The following KIF5A variants were observed in gnomAD, a reference collection of about 807,000 sequenced individuals.
KIF5A encodes kinesin family member 5A.
Under a neutral mutation model 141.3 loss-of-function variants are expected in KIF5A, and 35 were observed. The observed-to-expected ratio is 0.25, with a 90% CI of 0.19 to 0.33. The LOEUF is 0.33. Ranked by LOEUF, KIF5A falls within the 10% of genes least tolerant of loss-of-function variation. The pLI, the probability that KIF5A is intolerant of heterozygous loss-of-function variation, is 1.00. For synonymous variants in KIF5A, 448 were observed against 500.2 expected, an observed-to-expected ratio of 0.90 and a Z score of 1.39; for missense variants, 861 against 1,314.3, an observed-to-expected ratio of 0.66 and a Z score of 5.33.
At chr12:57,583,018 G>A (rs2140172929) in intron 27 of KIF5A, 83 bp from the exon 28 acceptor site, 1 of 1,135,058 alleles carries the variant, frequency 8.8e-7, no homozygotes, top group East Asian at 2.5e-5. Flanking sequence ...GATCTCACAG[G>A]GACACTCTCA....
At chr12:57,566,375 A>T (rs182477620) in intron 6 of KIF5A, among the ~76,000 whole-genome samples, 30 of 148,064 alleles carry the variant, frequency 2.0e-4, no homozygotes, top group African/African-American at 7.2e-4. Flanking sequence ...GTGTGCTGGC[A>T]TTACAGGCAT....
intron 1 of KIF5A, among the ~76,000 whole-genome samples, chr12:57,558,226 G>A (rs564217549): frequency 6.8e-6 from 1 of 147,014 alleles, no homozygotes; most frequent in Non-Finnish European, 1.5e-5. Flanking sequence ...CCAACATGGT[G>A]AAACCCCATC....
rs2140164737 is a variant in KIF5A, at chr12:57,571,353, A to G, written c.1326A>G (p.Ile442Met). The change falls in exon 13 of 29, where the codon ATA becomes ATG. Residue 442 changes from isoleucine to methionine, a missense_variant. By Grantham distance (10) the Ile-to-Met change is conservative (BLOSUM62 1). Around this residue, in one of 5 missense-constraint regions of KIF5A, gnomAD observed 167 missense variants for 192.0 expected, o/e 0.87. Coordinates refer to ENST00000455537, the MANE Select transcript of KIF5A (RefSeq NM_004984.4). ...DDEINQQSQL[I>M]EKLKQQMLDQ... is the part of the protein sequence containing the mutation. ...AAATCAACCAACAAAGCCAACTCAT[A>G]GAGAAGCTCAAGCAGCAAATGCTGG... is the stretch of plus-strand genomic sequence containing the variant. 1.2e-6 allele frequency: 2 copies of G among 1,613,820 alleles called. No individual in the cohort carries two copies. The highest frequency in any genetic ancestry group is 1.7e-6 in the Non-Finnish European group (2 of 1,179,758).
At position 57,583,207 on chromosome 12, in the gene KIF5A, C is replaced by T; in HGVS notation, c.*28C>T. 6.3e-7 allele frequency: 1 copy of T among 1,590,450 alleles called. No homozygotes were observed. The highest frequency in any genetic ancestry group is 8.6e-7 in the Non-Finnish European group (1 of 1,160,150). ...TCCCACACCCACGGCTGCATACCTGCACTTTCAGGTAGCGTCAGGCTGCTT... is the reference window on the plus strand; with the variant it reads ...TCCCACACCCACGGCTGCATACCTGTACTTTCAGGTAGCGTCAGGCTGCTT... On this transcript the variant is annotated 3_prime_UTR_variant, in exon 28 of 29. Coordinates refer to ENST00000455537, the MANE Select transcript of KIF5A (RefSeq NM_004984.4).
In KIF5A at chr12:57,572,235, C is replaced by G; in HGVS notation, c.1537C>G (p.Gln513Glu). 6.2e-7 allele frequency: 1 copy of G among 1,606,738 alleles called. No homozygotes were observed. The highest frequency in any genetic ancestry group is 1.7e-5 in the Admixed American group (1 of 58,710). ...GGTGGAGGAGAAGAGCCAGCAGAACCAGCTTCTGGTGGATGAGCTGTCTCA... is the reference window on the plus strand; with the variant it reads ...GGTGGAGGAGAAGAGCCAGCAGAACGAGCTTCTGGTGGATGAGCTGTCTCA... ...QEVEEKSQQN[Q>E]LLVDELSQKV... is the part of the protein sequence containing the mutation. The change falls in exon 14 of 29, where the codon CAG becomes GAG. Residue 513 changes from glutamine to glutamate, a missense_variant. Physicochemically the swap from Gln to Glu is conservative, Grantham distance 29. This residue lies in a region of KIF5A where 482 missense variants were observed against 661.3 expected (regional missense o/e 0.73). Coordinates refer to ENST00000455537, the MANE Select transcript of KIF5A (RefSeq NM_004984.4). The surrounding 1 kb of genome is among the most constrained non-coding windows in gnomAD (Gnocchi z 4.2).
intron 1 of KIF5A, among the ~76,000 whole-genome samples, chr12:57,556,380 C>G (rs1049684170): frequency 1.3e-5 from 2 of 152,058 alleles, no homozygotes; most frequent in Admixed American, 1.3e-4. Context: ...CCTCGTGATC[C>G]ACCCGCCTCG....
intron 1 of KIF5A, 69 bp from the exon 2 acceptor site, chr12:57,563,370 G>T: frequency 9.0e-7 from 1 of 1,115,966 alleles, no homozygotes; most frequent in Non-Finnish European, 1.4e-6. Context: ...CTGCTGGAAG[G>T]AGGTTGTGGT....
rs1412590622 is a variant in KIF5A at position 57,569,031 on chromosome 12, T to C, written c.783T>C (p.Ala261=). The change falls in exon 9 of 29, where the codon GCT becomes GCC. Residue 261 remains alanine (A), a synonymous_variant. Transcript: ENST00000455537. The part of the protein sequence containing the change: ...EAKNINKSLS[A]LGNVISALAE... ...AGAATATCAACAAGTCACTGTCAGC[T>C]CTGGGCAATGTGATCTCCGCACTGG... 1 of 1,613,942 alleles carries C rather than the reference T, an allele frequency of 6.2e-7. No individual in the cohort carries two copies. The highest frequency in any genetic ancestry group is 1.1e-5 in the South Asian group (1 of 91,080).
Position 57,575,634 on chromosome 12 carries a change from C to T in KIF5A, c.1906-6C>T. 6.2e-7 allele frequency: 1 copy of T among 1,613,124 alleles called. No homozygotes were observed. Among genetic ancestry groups the T allele is most frequent in the Non-Finnish European group, 8.5e-7 (1 of 1,179,138 alleles). On this transcript the variant is annotated splice_polypyrimidine_tract_variant and splice_region_variant and intron_variant, in intron 16 of 28. Transcript: ENST00000455537. The stretch of plus-strand genomic sequence containing the variant: ...CTTCTTCCTCTCACCAACTTTCTCC[C>T]ACCAGCATGAGGCCAAGATCCGCTC...
At chr12:57,566,075 T>C (rs1882055779) in intron 6 of KIF5A, among the ~76,000 whole-genome samples, 1 of 151,256 alleles carries the variant, frequency 6.6e-6, no homozygotes, top group Non-Finnish European at 1.5e-5. Flanking sequence ...CTCCAGCCTG[T>C]GTAGTAGAGA....
At chr12:57,557,219 A>G (rs1217093227) in intron 1 of KIF5A, among the ~76,000 whole-genome samples, 4 of 152,282 alleles carry the variant, frequency 2.6e-5, no homozygotes, top group Non-Finnish European at 4.4e-5. Flanking sequence ...TACGAAGTCA[A>G]TAAGTCTTAT....
Position 57,567,563 on chromosome 12 carries a change from C to T in KIF5A, c.659C>T (p.Thr220Met), listed in dbSNP as rs772697257. The change falls in exon 8 of 29, where the codon ACG (threonine) becomes ATG (methionine). Residue 220 changes from threonine to methionine, a missense_variant. Transcript: ENST00000455537. ...LINIKQENME[T>M]EQKLSGKLYL... Reference sequence around the variant, plus strand: ...AACATCAAGCAGGAGAACATGGAAACGGAGCAGAAGCTCAGTGGGAAGCTG... The same window carrying T: ...AACATCAAGCAGGAGAACATGGAAATGGAGCAGAAGCTCAGTGGGAAGCTG... 16 of 1,612,710 alleles carry T rather than the reference C, an allele frequency of 9.9e-6. No homozygotes were observed. The highest frequency in any genetic ancestry group is 1.3e-5 in the African/African-American group (1 of 74,606).
At chr12:57,581,997 CAAGTTGAGAGGCATAA>C (rs1332437236) in intron 26 of KIF5A, 45 bp downstream of exon 26, 1 of 1,499,226 alleles carries the variant, frequency 6.7e-7, no homozygotes, top group South Asian at 1.1e-5. Context: ...GTCCTCAGGG[CAAGTTGAGAGGCATAA>C]AAGTAAGTGA....
In KIF5A at chr12:57,569,419, C is replaced by A; in HGVS notation, c.968+15C>A. 6.2e-7 allele frequency: 1 copy of A among 1,613,758 alleles called. No individual in the cohort carries two copies. Among genetic ancestry groups the A allele is most frequent in the South Asian group, 1.1e-5 (1 of 91,042 alleles). ...TTTGGGCAGCGGTCAGTGGCAGGGT[C>A]CCCAGAGGGATCCCTGGTACCCAGC... On this transcript the variant is annotated intron_variant, in intron 10 of 28. Coordinates refer to ENST00000455537, the MANE Select transcript of KIF5A (RefSeq NM_004984.4).
chr12:57,570,697 T>C (rs879893830), intron 12 of KIF5A, among the ~76,000 whole-genome samples: 9 of 152,222 alleles, frequency 5.9e-5, no homozygotes, highest in Non-Finnish European at 1.3e-4. Context: ...TATATGTAAT[T>C]ATACATCTGA....
In KIF5A at chr12:57,572,388, A is replaced by G. The variant is rs546990225; in HGVS notation, c.1569+121A>G. On this transcript the variant is annotated intron_variant, in intron 14 of 28. Coordinates refer to ENST00000455537, the MANE Select transcript of KIF5A (RefSeq NM_004984.4). The surrounding 1 kb of genome is among the most constrained non-coding windows in gnomAD (Gnocchi z 4.2). ...GCACCTCTGCACTGCTGTTCAGTGC[A>G]TTGTGAGTCCCTCCCCAACCCTGTC... 7.9e-7 allele frequency: 1 copy of G among 1,260,552 alleles called. No individual in the cohort carries two copies. Among genetic ancestry groups the G allele is most frequent in the East Asian group, 2.5e-5 (1 of 39,522 alleles). The allele number at this position is 1,260,552 out of a possible 1,614,324, so 78.1% of individuals were successfully genotyped here. A position where few individuals can be genotyped will look rare whatever the true frequency, so the allele number is the denominator to read the frequency against.
rs1299727925 is a variant in KIF5A, at chr12:57,581,179, A to G, written c.2755+7A>G. On this transcript the variant is annotated splice_region_variant and intron_variant, in intron 24 of 28. Transcript: ENST00000455537. ...GGCCATTCTGCCCAGATTGGTGAGT[A>G]GGTGTTAGCAGGCAAGGTGGGAGTA... is the stretch of plus-strand genomic sequence containing the variant. 6.2e-7 allele frequency: 1 copy of G among 1,612,192 alleles called. No homozygotes were observed. Among genetic ancestry groups the G allele is most frequent in the Non-Finnish European group, 8.5e-7 (1 of 1,179,196 alleles).
intron 5 of KIF5A, 140 bp downstream of exon 5, chr12:57,564,648 G>C: frequency 1.2e-6 from 1 of 840,172 alleles, no homozygotes; most frequent in South Asian, 1.4e-5. Flanking sequence ...CCGTTTACCA[G>C]AATTTCCAAA....
At position 57,572,483 on chromosome 12, in the gene KIF5A, A is replaced by G. The variant is rs1882287199; in HGVS notation, c.1570-97A>G. 7 of 1,515,338 alleles carry G rather than the reference A, an allele frequency of 4.6e-6. No homozygotes were observed. The highest frequency in any genetic ancestry group is 6.4e-6 in the Non-Finnish European group (7 of 1,101,586). The allele number at this position is 1,515,338 out of a possible 1,614,324, so 93.9% of individuals were successfully genotyped here. On this transcript the variant is annotated intron_variant, in intron 14 of 28. Coordinates refer to ENST00000455537, the MANE Select transcript of KIF5A (RefSeq NM_004984.4). The surrounding 1 kb of genome is among the most constrained non-coding windows in gnomAD (Gnocchi z 4.2). ...GCAGGGCCTGTGTTCTCTTCATAGC[A>G]GCCCTCAGGGTCTTGCATGAAGGGA...
Sources: allele counts gnomAD v4.1 joint callset (sites outside exome capture counted in the v4.1 genomes callset), GRCh38; gene constraint gnomAD v4.1.1; regional missense constraint gnomAD v4.1.1; non-coding constraint Gnocchi (gnomAD v3.1); transcripts MANE v1.5; gene names NCBI Gene and HGNC (gene_info 2026-07-23, HGNC 2026-07-21).